FAM227A: variants seen among roughly 807,000 people sequenced by gnomAD.
FAM227A encodes the protein family with sequence similarity 227 member A.
In FAM227A, 80 loss-of-function variants were observed where a neutral mutation model predicts 74.7. That is an observed-to-expected ratio of 1.07 (90% confidence interval 0.89 to 1.29). The LOEUF (loss-of-function observed/expected upper bound fraction) is 1.29, where lower values mean the gene tolerates loss of function less well. Ranked by LOEUF, FAM227A falls within the 50% of genes most tolerant of loss-of-function variation. The probability of loss-of-function intolerance (pLI) is 0.00; values close to 1 mark genes in which losing one functional copy is unlikely to be tolerated. For missense variants in FAM227A, 654 were observed against 683.4 expected, an observed-to-expected ratio of 0.96 and a Z score of 0.48; for synonymous variants, 237 against 241.8, an observed-to-expected ratio of 0.98 and a Z score of 0.19.
At chr22:38,605,169 T>C (rs1014475481) in intron 13 of FAM227A, 85 bp downstream of exon 13, 19 of 781,342 alleles carry the variant, frequency 2.4e-5, no homozygotes, top group Non-Finnish European at 4.1e-5. Flanking sequence ...TAAATATTCA[T>C]TAAATGTTAA....
chr22:38,642,773 T>TA (rs1481762849), intron 3 of FAM227A, among the ~76,000 whole-genome samples: 2 of 151,538 alleles, frequency 1.3e-5, no homozygotes, highest in Non-Finnish European at 2.9e-5. Flanking sequence ...CTGTCTCTAC[T>TA]AAAAATACAA....
chr22:38,583,095 AGT>A lies in FAM227A; in HGVS notation c.*3028_*3029del, dbSNP rs2090734922. On this transcript the variant is annotated 3_prime_UTR_variant, in exon 17 of 17. Transcript: ENST00000535113. ...TGGGGTAGTAAAGGGAAGGTGAGAG[AGT>A]GTTCTGCTTATCTGCCCCACATGGT... 1 of 856,876 alleles carries A rather than the reference AGT, an allele frequency of 1.2e-6. No individual in the cohort carries two copies. The highest frequency in any genetic ancestry group is 1.8e-6 in the Non-Finnish European group (1 of 557,694). The allele number at this position is 856,876 out of a possible 1,614,324, so 53.1% of individuals were successfully genotyped here. A position where few individuals can be genotyped will look rare whatever the true frequency, so the allele number is the denominator to read the frequency against.
intron 13 of FAM227A, among the ~76,000 whole-genome samples, chr22:38,600,985 A>G (rs1283747033): frequency 6.6e-6 from 1 of 152,072 alleles, no homozygotes; most frequent in African/African-American, 2.4e-5. Context: ...TTAGTAAAAA[A>G]CAGATAGATG....
intron 4 of FAM227A, 73 bp downstream of exon 4, chr22:38,639,582 C>T (rs1042998789): frequency 7.5e-7 from 1 of 1,336,026 alleles, no homozygotes; most frequent in South Asian, 1.3e-5. Flanking sequence ...GGGATTCCTA[C>T]TCAGTTGCAT....
intron 3 of FAM227A, among the ~76,000 whole-genome samples, chr22:38,644,271 TGG>T (rs2092182325): frequency 6.6e-6 from 1 of 150,790 alleles, no homozygotes; most frequent in Admixed American, 6.6e-5. Context: ...AAGGTAAAAC[TGG>T]GGAGAGTAAA....
chr22:38,609,780 T>G (rs1429927089), intron 11 of FAM227A, among the ~76,000 whole-genome samples: 1 of 152,072 alleles, frequency 6.6e-6, no homozygotes, highest in Non-Finnish European at 1.5e-5. Context: ...TTTCTTTTTT[T>G]TTTTGTTTGA....
At chr22:38,597,055 G>T in intron 15 of FAM227A, 149 bp downstream of exon 15, 1 of 696,136 alleles carries the variant, frequency 1.4e-6, no homozygotes, top group Non-Finnish European at 2.4e-6. Flanking sequence ...GTTATTAGGA[G>T]TTTATAATCT....
intron 9 of FAM227A, among the ~76,000 whole-genome samples, chr22:38,624,411 G>A (rs1195504660): frequency 6.6e-6 from 1 of 152,030 alleles, no homozygotes; most frequent in African/African-American, 2.4e-5. Context: ...AAGATTAAAT[G>A]GGTGTGCAGA....
chr22:38,610,331 C>T (rs1345345842), intron 11 of FAM227A, among the ~76,000 whole-genome samples: 1 of 152,126 alleles, frequency 6.6e-6, no homozygotes, highest in African/African-American at 2.4e-5. Context: ...GGCAACCTGG[C>T]AAGGCTCATT....
intron 3 of FAM227A, among the ~76,000 whole-genome samples, chr22:38,641,045 A>G (rs375569558): frequency 1.3e-5 from 2 of 152,160 alleles, no homozygotes; most frequent in Non-Finnish European, 2.9e-5. Flanking sequence ...CAATATAGCA[A>G]TATCTCTGAT....
intron 11 of FAM227A, among the ~76,000 whole-genome samples, chr22:38,608,363 A>G (rs1414609354): frequency 6.6e-6 from 1 of 152,052 alleles, no homozygotes; most frequent in African/African-American, 2.4e-5. Context: ...TCTCCCACAT[A>G]AAAGTCTGAA....
chr22:38,607,158 CAG>C (rs2091301553), intron 12 of FAM227A, among the ~76,000 whole-genome samples: 1 of 120,224 alleles, frequency 8.3e-6, no homozygotes, highest in South Asian at 2.6e-4. Context: ...GCCTGGGCGA[CAG>C]AGTGAGACTT....
At chr22:38,589,293 G>A (rs1046478765) in intron 16 of FAM227A, among the ~76,000 whole-genome samples, 1 of 152,086 alleles carries the variant, frequency 6.6e-6, no homozygotes, top group African/African-American at 2.4e-5. Context: ...GCATGGCCCT[G>A]CTGACACCTT....
chr22:38,614,267 C>G (rs933481450), intron 11 of FAM227A, among the ~76,000 whole-genome samples: 1 of 152,160 alleles, frequency 6.6e-6, no homozygotes, highest in Non-Finnish European at 1.5e-5. Context: ...CTCTCCCTAT[C>G]ATTTTCTCCC....
chr22:38,582,168 C>A lies in FAM227A; in HGVS notation c.*3957G>T, dbSNP rs901217602. On this transcript the variant is annotated 3_prime_UTR_variant, in exon 17 of 17. Coordinates refer to ENST00000535113, the MANE Select transcript of FAM227A (RefSeq NM_001013647.2). ...ACCACAATCAAGATAGTAGACATATCTGTCACCCCCAAAAGTTTATTTGGG... is the reference window on the plus strand; with the variant it reads ...ACCACAATCAAGATAGTAGACATATATGTCACCCCCAAAAGTTTATTTGGG... The A allele has an allele frequency of 4.9e-6, 3 of 615,376 alleles. No individual in the cohort carries two copies. The highest frequency in any genetic ancestry group is 8.5e-6 in the Non-Finnish European group (3 of 351,556). The allele number at this position is 615,376 out of a possible 1,614,324, so 38.1% of individuals were successfully genotyped here.
chr22:38,637,173 AAT>A (rs2092024831), intron 5 of FAM227A, among the ~76,000 whole-genome samples: 1 of 152,162 alleles, frequency 6.6e-6, no homozygotes, highest in East Asian at 1.9e-4. Flanking sequence ...TAAGAAGTAA[AAT>A]ATATATGTGA....
At chr22:38,595,963 A>G (rs1231954257) in intron 15 of FAM227A, among the ~76,000 whole-genome samples, 4 of 38,322 alleles carry the variant, frequency 1.0e-4, no homozygotes. Flanking sequence ...TAAAAAAACA[A>G]CTAATAAGGG....
chr22:38,579,538 T>A lies in FAM227A; in HGVS notation c.*6587A>T, dbSNP rs2090688241. ...TGTAAAATATGCTTAGAAGTGTCCA[T>A]GGTAGATGCCTTTAATTTTAAAAAT... On this transcript the variant is annotated 3_prime_UTR_variant, in exon 17 of 17. Coordinates refer to ENST00000535113, the MANE Select transcript of FAM227A (RefSeq NM_001013647.2). 6.6e-6 allele frequency: 1 copy of A among 152,212 alleles called. No homozygotes were observed. The highest frequency in any genetic ancestry group is 2.4e-5 in the African/African-American group (1 of 41,442). 9.4% of individuals were successfully genotyped at this position (152,212 alleles called of 1,614,324 possible).
At chr22:38,586,285 G>A (rs182551964) in intron 16 of FAM227A, 86 bp from the exon 17 acceptor site, 23 of 1,418,404 alleles carry the variant, frequency 1.6e-5, no homozygotes, top group Non-Finnish European at 2.2e-5. Flanking sequence ...CAGTGGCGTG[G>A]CCAGTGGTGA....
Sources: gnomAD v4.1 joint callset for allele counts (sites outside exome capture counted in the v4.1 genomes callset) on GRCh38, gnomAD v4.1.1 for gene constraint, MANE v1.5 for transcripts, NCBI Gene and HGNC (gene_info 2026-07-23, HGNC 2026-07-21) for gene names.